Variants in ELP2 observed in about 807,000 individuals in gnomAD.
The protein encoded by ELP2 is elongator acetyltransferase complex subunit 2, also known as elongator complex protein 2.
In ELP2, 90 loss-of-function variants were observed where a neutral mutation model predicts 119.2. That is an observed-to-expected ratio of 0.75 (90% confidence interval 0.64 to 0.90). The LOEUF (loss-of-function observed/expected upper bound fraction) is 0.90, where lower values mean the gene tolerates loss of function less well. Ranked by LOEUF, ELP2 falls within the 40% of genes least tolerant of loss-of-function variation. The pLI, the probability that ELP2 is intolerant of heterozygous loss-of-function variation, is 0.00. For missense variants in ELP2, 921 were observed against 967.8 expected, an observed-to-expected ratio of 0.95 and a Z score of 0.64; for synonymous variants, 339 against 331.0, an observed-to-expected ratio of 1.02 and a Z score of -0.26.
chr18:36,164,417 GT>G (rs2090830639), intron 17 of ELP2, 57 bp from the exon 18 acceptor site: 2 of 1,485,546 alleles, frequency 1.3e-6, no homozygotes, highest in Admixed American at 1.7e-5. Flanking sequence ...TTTTTAAAAT[GT>G]TTTCTCTTCA....
intron 11 of ELP2, among the ~76,000 whole-genome samples, chr18:36,153,769 T>G (rs1264302631): frequency 5.9e-5 from 9 of 152,188 alleles, no homozygotes; most frequent in African/African-American, 2.2e-4. Flanking sequence ...GACTTGTTTT[T>G]TATATAGACT....
rs2091198359 is a variant in ELP2, at chr18:36,175,256, T to C, written c.*615T>C. 6.6e-6 allele frequency: 1 copy of C among 152,402 alleles called. No individual in the cohort carries two copies. Among genetic ancestry groups the C allele is most frequent in the South Asian group, 2.1e-4 (1 of 4,844 alleles). The allele number at this position is 152,402 out of a possible 1,614,324, so 9.4% of individuals were successfully genotyped here. ...ACTTAATTTGTCCCTCTTTGGGACATTTCCTTATTTATTGCCCTCTTCAGA... is the reference window on the plus strand; with the variant it reads ...ACTTAATTTGTCCCTCTTTGGGACACTTCCTTATTTATTGCCCTCTTCAGA... On this transcript the variant is annotated 3_prime_UTR_variant, in exon 22 of 22. Transcript: ENST00000358232.
intron 3 of ELP2, among the ~76,000 whole-genome samples, chr18:36,137,530 C>T (rs2089868980): frequency 6.6e-6 from 1 of 151,934 alleles, no homozygotes; most frequent in South Asian, 2.1e-4. Context: ...TAGAAGATAC[C>T]TTTTAAAAGA....
intron 17 of ELP2, among the ~76,000 whole-genome samples, chr18:36,163,668 T>C (rs1054762528): frequency 2.6e-5 from 4 of 152,200 alleles, no homozygotes; most frequent in African/African-American, 9.6e-5. Flanking sequence ...TTTTCTTTTA[T>C]TGTAGATACC....
At position 36,142,927 on chromosome 18, in the gene ELP2, A is replaced by G. The variant is rs781249190; in HGVS notation, c.757A>G (p.Ile253Val). ...TTTAGAAACTCAGGATGACGATAAC[A>G]TAAGACTGAAAGAAAATACTTTTAC... ...TSLETQDDDN[I>V]RLKENTFTIE... Residue 253 changes from isoleucine (I) to valine (V), a missense_variant, in exon 8 of 22, where the codon ATA (isoleucine) becomes GTA (valine). Ile to Val is a conservative substitution (Grantham distance 29). Coordinates refer to ENST00000358232, the MANE Select transcript of ELP2 (RefSeq NM_018255.4). 2.1e-5 allele frequency: 34 copies of G among 1,593,292 alleles called. No homozygotes were observed. Among genetic ancestry groups the G allele is most frequent in the Middle Eastern group, 3.3e-4 (2 of 5,998 alleles).
chr18:36,138,552 C>G (rs541850490), intron 4 of ELP2, 126 bp downstream of exon 4: 2 of 1,142,388 alleles, frequency 1.8e-6, no homozygotes, highest in Non-Finnish European at 2.5e-6. Context: ...TAATTCTAAT[C>G]TAAATTTTTC....
chr18:36,144,727 A>T (rs773910503), intron 8 of ELP2, among the ~76,000 whole-genome samples: 3 of 152,236 alleles, frequency 2.0e-5, no homozygotes, highest in Non-Finnish European at 4.4e-5. Context: ...CTAGAACAGA[A>T]TATAAGGAAA....
chr18:36,176,957 T>G lies in ELP2; in HGVS notation c.*2316T>G, dbSNP rs565948238. The stretch of plus-strand genomic sequence containing the variant: ...CCTTTCCTGTCTGCCAGGAAAAGTT[T>G]TCTGTAGTGACGCACGTGTTGTGTG... On this transcript the variant is annotated 3_prime_UTR_variant, in exon 22 of 22. Coordinates refer to ENST00000358232, the MANE Select transcript of ELP2 (RefSeq NM_018255.4). The G allele has an allele frequency of 2.0e-5, 3 of 152,124 alleles. 1 individual carries two copies. Among genetic ancestry groups the G allele is most frequent in the Non-Finnish European group, 4.4e-5 (3 of 68,032 alleles). 9.4% of individuals were successfully genotyped at this position (152,124 alleles called of 1,614,324 possible). A position where few individuals can be genotyped will look rare whatever the true frequency, so the allele number is the denominator to read the frequency against.
chr18:36,130,388 T>G (rs2089564651), intron 1 of ELP2, among the ~76,000 whole-genome samples: 1 of 152,244 alleles, frequency 6.6e-6, no homozygotes, highest in South Asian at 2.1e-4. Context: ...GTACCGTTAA[T>G]CAATTTGGGT....
chr18:36,141,510 G>T, intron 6 of ELP2: 1 of 365,884 alleles, frequency 2.7e-6, no homozygotes, highest in South Asian at 2.5e-5. Context: ...TACCTACAGT[G>T]AAGCATTCCT....
At chr18:36,147,094 T>TG (rs2090232838) in intron 11 of ELP2, among the ~76,000 whole-genome samples, 1 of 150,608 alleles carries the variant, frequency 6.6e-6, no homozygotes, top group Admixed American at 6.6e-5. Context: ...TTTTTTTTTT[T>TG]TTTTTTTTCT....
intron 5 of ELP2, among the ~76,000 whole-genome samples, chr18:36,139,179 C>T (rs1289588114): frequency 6.6e-6 from 1 of 152,104 alleles, no homozygotes; most frequent in Admixed American, 6.6e-5. Flanking sequence ...GAATCTAATT[C>T]TTTAGAAGGT....
intron 12 of ELP2, among the ~76,000 whole-genome samples, chr18:36,155,264 TCC>T (rs60227416): frequency 0.36 from 36,561 of 101,590 alleles, 6,710 homozygotes; most frequent in Middle Eastern, 0.47. Flanking sequence ...GCACCGCCCC[TCC>T]CCCCCCCCCG....
rs1463950395 is a variant in ELP2, at chr18:36,180,405, G to T, written c.*5764G>T. 3 of 152,202 alleles carry T rather than the reference G, an allele frequency of 2.0e-5. No individual in the cohort carries two copies. The highest frequency in any genetic ancestry group is 4.4e-5 in the Non-Finnish European group (3 of 68,044). The allele number at this position is 152,202 out of a possible 1,614,324, so 9.4% of individuals were successfully genotyped here. On this transcript the variant is annotated 3_prime_UTR_variant, in exon 22 of 22. Coordinates refer to ENST00000358232, the MANE Select transcript of ELP2 (RefSeq NM_018255.4). ...GGTGCTTCATTCTGGAAGAAAGGGA[G>T]AACAACAGTAACCAGTGTGTAGGAT... is the stretch of plus-strand genomic sequence containing the variant.
At chr18:36,144,590 A>G (rs1034315252) in intron 8 of ELP2, among the ~76,000 whole-genome samples, 3 of 152,250 alleles carry the variant, frequency 2.0e-5, no homozygotes, top group Admixed American at 2.0e-4. Flanking sequence ...TTATATTCTT[A>G]TAATGAGTGA....
chr18:36,146,114 C>G, intron 10 of ELP2, 66 bp downstream of exon 10: 1 of 1,578,370 alleles, frequency 6.3e-7, no homozygotes, highest in Non-Finnish European at 8.7e-7. Flanking sequence ...AATCCCAAGT[C>G]TATATTGATA....
rs925936844 is a variant in ELP2 at position 36,138,310 on chromosome 18, T to C, written c.329T>C (p.Val110Ala). 1 of 1,614,054 alleles carries C rather than the reference T, an allele frequency of 6.2e-7. No homozygotes were observed. Among genetic ancestry groups the C allele is most frequent in the African/African-American group, 1.3e-5 (1 of 74,948 alleles). The change falls in exon 4 of 22, where the codon GTT becomes GCT. Residue 110 changes from valine (V) to alanine (A), a missense_variant. Val to Ala is a moderately conservative substitution (Grantham distance 64). Transcript: ENST00000358232. ...AVHLQGHEGP[V>A]YAVHAVYQRR... ...CATCTTCAAGGCCATGAAGGACCTG[T>C]TTATGCGGTGCATGCTGTTTACCAG...
chr18:36,165,912 G>A (rs974436911), intron 18 of ELP2, among the ~76,000 whole-genome samples: 14 of 152,076 alleles, frequency 9.2e-5, no homozygotes, highest in South Asian at 2.1e-4. Flanking sequence ...AAAGTTGGAC[G>A]GGTGCGGTGG....
chr18:36,152,012 A>G (rs1485344559), intron 11 of ELP2, among the ~76,000 whole-genome samples: 1 of 151,502 alleles, frequency 6.6e-6, no homozygotes, highest in Non-Finnish European at 1.5e-5. Context: ...CAGCCTCCCA[A>G]AGTGCTGGGA....
Sources: gnomAD v4.1 joint callset for allele counts (sites outside exome capture counted in the v4.1 genomes callset) on GRCh38, gnomAD v4.1.1 for gene constraint, MANE v1.5 for transcripts, NCBI Gene and HGNC (gene_info 2026-07-23, HGNC 2026-07-21) for gene names.